The following ZDHHC13 variants were observed in gnomAD, a reference collection of about 807,000 sequenced individuals.
The protein encoded by ZDHHC13 is palmitoyltransferase ZDHHC13.
In ZDHHC13, 85 loss-of-function variants were observed where a neutral mutation model predicts 86.0. The observed-to-expected ratio is 0.99, with a 90% CI of 0.83 to 1.18. The LOEUF (loss-of-function observed/expected upper bound fraction) is 1.18, where lower values mean the gene tolerates loss of function less well. Ranked by LOEUF, ZDHHC13 falls within the 50% of genes most tolerant of loss-of-function variation. The pLI is 0.00. For missense variants in ZDHHC13, 711 were observed against 730.2 expected (o/e 0.97, Z 0.30); for synonymous variants, 263 against 246.4 (o/e 1.07, Z -0.63).
At chr11:19,163,487 A>G in intron 11 of ZDHHC13, 60 bp downstream of exon 11, 2 of 1,463,322 alleles carry the variant, frequency 1.4e-6, no homozygotes, top group South Asian at 1.5e-5. Context: ...TAGAAAGTTT[A>G]TATGCACATA....
chr11:19,156,892 A>AT (rs1565036333), intron 9 of ZDHHC13, among the ~76,000 whole-genome samples: 1 of 152,216 alleles, frequency 6.6e-6, no homozygotes, highest in African/African-American at 2.4e-5. Context: ...AAAGTGCTTT[A>AT]GTAACTTTTT....
At chr11:19,166,254 T>G (rs767047679) in intron 13 of ZDHHC13, 48 bp from the exon 14 acceptor site, 3 of 1,493,686 alleles carry the variant, frequency 2.0e-6, no homozygotes, top group Non-Finnish European at 2.7e-6. Flanking sequence ...ATGTTGAAAA[T>G]CAGAAGAAAC....
intron 1 of ZDHHC13, among the ~76,000 whole-genome samples, chr11:19,131,763 A>G (rs2133374280): frequency 6.6e-6 from 1 of 152,152 alleles, no homozygotes; most frequent in Middle Eastern, 3.4e-3. Flanking sequence ...TCTCTCGAGC[A>G]GCTGAGATTA....
chr11:19,158,818 T>C (rs1849828880), intron 9 of ZDHHC13, 122 bp from the exon 10 acceptor site: 1 of 617,328 alleles, frequency 1.6e-6, no homozygotes, highest in East Asian at 2.9e-5. Flanking sequence ...AAGCACTCAG[T>C]ATGTGAAAGC....
At chr11:19,170,055 T>C (rs1850176990) in intron 14 of ZDHHC13, 1 of 1,060,398 alleles carries the variant, frequency 9.4e-7, no homozygotes, top group African/African-American at 1.7e-5. Context: ...AATAGACCCA[T>C]AGTTGCTATA....
intron 1 of ZDHHC13, among the ~76,000 whole-genome samples, chr11:19,130,744 T>C (rs940550832): frequency 1.3e-5 from 2 of 152,232 alleles, no homozygotes; most frequent in African/African-American, 4.8e-5. Flanking sequence ...AAAACTGTTG[T>C]GCTGTTGCTT....
intron 14 of ZDHHC13, chr11:19,168,017 G>A (rs1405408762): frequency 6.6e-6 from 1 of 152,190 alleles, no homozygotes; most frequent in Non-Finnish European, 1.5e-5. Context: ...TCTTCACCAT[G>A]TTGCCCAGGC....
At chr11:19,170,320 C>T in intron 14 of ZDHHC13, 91 bp from the exon 15 acceptor site, 1 of 1,464,332 alleles carries the variant, frequency 6.8e-7, no homozygotes, top group East Asian at 2.5e-5. Context: ...TCTCTTCTCC[C>T]TATATAGAAC....
intron 6 of ZDHHC13, among the ~76,000 whole-genome samples, chr11:19,151,102 G>C (rs1219244082): frequency 1.3e-5 from 2 of 151,596 alleles, no homozygotes; most frequent in African/African-American, 4.8e-5. Context: ...TTCTTCCTTT[G>C]GCTTTAAAAA....
rs151241426 is a variant in ZDHHC13 at position 19,149,309 on chromosome 11, C to T, written c.497C>T (p.Ala166Val). The T allele has an allele frequency of 2.4e-4, 381 of 1,600,604 alleles. 3 individuals are homozygous for T. In the East Asian group the frequency reaches 8.2e-3, roughly 35 times the overall value. ...TTGTTTCAACACATGCCTATTATAG[C>T]ATATCTCATCTCAAAGGGACAGGTA... is the stretch of plus-strand genomic sequence containing the variant. The part of the protein sequence containing the change: ...AVLFQHMPII[A>V]YLISKGQSVN... The change falls in exon 5 of 17, where the codon GCA (alanine) becomes GTA (valine). Residue 166 changes from alanine to valine, a missense_variant. Transcript: ENST00000446113.
chr11:19,126,017 A>G (rs947072952), intron 1 of ZDHHC13, among the ~76,000 whole-genome samples: 1 of 152,200 alleles, frequency 6.6e-6, no homozygotes, highest in Non-Finnish European at 1.5e-5. Flanking sequence ...TGTATACCAA[A>G]GTTAATTTTA....
In ZDHHC13 at chr11:19,176,000, T is replaced by C. The variant is rs775474105; in HGVS notation, c.*40T>C. 1.9e-6 allele frequency: 3 copies of C among 1,573,366 alleles called. No individual in the cohort carries two copies. The highest frequency in any genetic ancestry group is 2.4e-5 in the South Asian group (2 of 82,432). ...AAACTCTCAATCTGATTTGTTTTTG[T>C]TTATGTCGATGCCCTGTAGTTTGAA... On this transcript the variant is annotated 3_prime_UTR_variant, in exon 17 of 17. Coordinates refer to ENST00000446113, the MANE Select transcript of ZDHHC13 (RefSeq NM_019028.3).
chr11:19,173,995 T>G (rs1850292118), intron 16 of ZDHHC13, among the ~76,000 whole-genome samples: 1 of 152,194 alleles, frequency 6.6e-6, no homozygotes, highest in Admixed American at 6.5e-5. Context: ...AAGATTTTAC[T>G]TGTTTTCCTC....
At chr11:19,147,772 TCC>T (rs146892489) in intron 4 of ZDHHC13, 99 bp downstream of exon 4, 85 of 407,582 alleles carry the variant, frequency 2.1e-4, no homozygotes, top group South Asian at 3.2e-4. Flanking sequence ...TGTCTTTTCT[TCC>T]CCCCCCCCCT....
At chr11:19,123,478 A>G (rs7941959) in intron 1 of ZDHHC13, among the ~76,000 whole-genome samples, 6,576 of 151,770 alleles carry the variant, frequency 0.043, 256 homozygotes, top group East Asian at 0.21. Context: ...AACGAGACCT[A>G]TCTACAGAAG....
intron 1 of ZDHHC13, among the ~76,000 whole-genome samples, chr11:19,139,945 C>T (rs1410601468): frequency 6.9e-6 from 1 of 145,616 alleles, no homozygotes; most frequent in African/African-American, 2.6e-5. Flanking sequence ...AACGTTAGAC[C>T]TAAAACCATA....
Position 19,135,660 on chromosome 11 carries a change from G to C in ZDHHC13, c.28-7318G>C, listed in dbSNP as rs375166638. Among the ~76,000 whole-genome samples, 1,050 of 152,228 alleles carry C rather than the reference G, an allele frequency of 6.9e-3. 9 individuals carry two copies. Among genetic ancestry groups the C allele is most frequent in the African/African-American group, 0.024 (987 of 41,536 alleles). ...AAAAGACAGCAGTAACCTCTGCAGAGTTAAATGTCCCTGTCTGACAGCTTT... is the reference window on the plus strand; with the variant it reads ...AAAAGACAGCAGTAACCTCTGCAGACTTAAATGTCCCTGTCTGACAGCTTT... On this transcript the variant is annotated intron_variant, in intron 1 of 16. Transcript: ENST00000446113.
At chr11:19,124,061 G>T (rs961680644) in intron 1 of ZDHHC13, among the ~76,000 whole-genome samples, 2 of 152,042 alleles carry the variant, frequency 1.3e-5, no homozygotes, top group Admixed American at 1.3e-4. Context: ...GAATTAGAAT[G>T]CCCAGGGTGT....
In ZDHHC13 at chr11:19,149,245, A is replaced by G. The variant is rs1387733353; in HGVS notation, c.433A>G (p.Ile145Val). The G allele has an allele frequency of 6.2e-7, 1 of 1,606,182 alleles. No homozygotes were observed. The highest frequency in any genetic ancestry group is 1.1e-5 in the South Asian group (1 of 89,594). ...LLQHGADPTL[I>V]DGEGFSSIHL... Reference sequence around the variant, plus strand: ...CCAGCATGGTGCAGACCCCACTCTTATTGATGGAGAGGGATTCAGCAGCAT... The same window carrying G: ...CCAGCATGGTGCAGACCCCACTCTTGTTGATGGAGAGGGATTCAGCAGCAT... The change falls in exon 5 of 17, where the codon ATT (isoleucine) becomes GTT (valine). Residue 145 changes from isoleucine (I) to valine (V), a missense_variant. By Grantham distance (29) the Ile-to-Val change is conservative. Transcript: ENST00000446113.
Sources: gnomAD v4.1 joint callset for allele counts (sites outside exome capture counted in the v4.1 genomes callset) on GRCh38, gnomAD v4.1.1 for gene constraint, MANE v1.5 for transcripts, NCBI Gene and HGNC (gene_info 2026-07-23, HGNC 2026-07-21) for gene names.